Variants in FREM3 observed in about 807,000 individuals in gnomAD.
FREM3 encodes FRAS1 related extracellular matrix 3.
In FREM3, 105 loss-of-function variants were observed where a neutral mutation model predicts 129.1. The observed-to-expected ratio is 0.81, with a 90% confidence interval of 0.69 to 0.96. The LOEUF is 0.96. Ranked by LOEUF, FREM3 falls within the 40% of genes least tolerant of loss-of-function variation. FREM3 has a pLI of 0.00. For missense variants in FREM3, 2,593 were observed against 2,666.3 expected (o/e 0.97, Z 0.61); for synonymous variants, 1,014 against 1,044.9 (o/e 0.97, Z 0.57).
At chr4:143,590,925 T>A (rs1437751766) in intron 6 of FREM3, among the ~76,000 whole-genome samples, 3 of 152,226 alleles carry the variant, frequency 2.0e-5, no homozygotes, top group African/African-American at 7.2e-5. Flanking sequence ...ATTCTGTTAT[T>A]GGTCTATTCA....
intron 2 of FREM3, among the ~76,000 whole-genome samples, chr4:143,664,509 C>T (rs1181482150): frequency 6.6e-6 from 1 of 152,122 alleles, no homozygotes; most frequent in African/African-American, 2.4e-5. Context: ...GGGGATGCCT[C>T]CCAGTTAGGC....
Position 143,678,228 on chromosome 4 carries a change from G to T in FREM3, c.5275+14885C>A, listed in dbSNP as rs375248961. On this transcript the variant is annotated intron_variant, in intron 2 of 7. Coordinates refer to ENST00000329798, the MANE Select transcript of FREM3 (RefSeq NM_001168235.2). ...TGCAGCCATAAAAACTGATGAGTTC[G>T]TGTCCTTTGTAGAGACATGGATAAA... Among the ~76,000 whole-genome samples the T allele has an allele frequency of 6.6e-5, 10 of 151,678 alleles. No individual in the cohort carries two copies. The East Asian group carries it at 1.6e-3, about 24-fold the overall frequency.
At chr4:143,607,960 C>T (rs748838136) in intron 6 of FREM3, among the ~76,000 whole-genome samples, 3 of 152,164 alleles carry the variant, frequency 2.0e-5, no homozygotes, top group Admixed American at 6.5e-5. Flanking sequence ...CTGCATTCCT[C>T]GGCTTGTGGC....
intron 2 of FREM3, among the ~76,000 whole-genome samples, chr4:143,629,868 G>A (rs1462855705): frequency 2.0e-5 from 3 of 152,110 alleles, no homozygotes; most frequent in Admixed American, 6.6e-5. Flanking sequence ...CTTTCACTCT[G>A]AGCTGCCATT....
chr4:143,657,771 T>C (rs1739627905), intron 2 of FREM3, among the ~76,000 whole-genome samples: 1 of 152,100 alleles, frequency 6.6e-6, no homozygotes, highest in South Asian at 2.1e-4. Context: ...AAAAAGGTTA[T>C]AGGATTTTCC....
chr4:143,682,882 G>A (rs1345400516), intron 2 of FREM3, among the ~76,000 whole-genome samples: 5 of 152,250 alleles, frequency 3.3e-5, no homozygotes, highest in Admixed American at 2.6e-4. Flanking sequence ...ATGGCCAAAG[G>A]GTCTTTTCAG....
chr4:143,614,681 C>A (rs12502068), intron 5 of FREM3, among the ~76,000 whole-genome samples: 52,239 of 152,094 alleles, frequency 0.34, 10,363 homozygotes, highest in Middle Eastern at 0.47. Flanking sequence ...AGGGTTAGAA[C>A]CAAAGATTCA....
chr4:143,691,161 A>G (rs1468892867), intron 2 of FREM3, among the ~76,000 whole-genome samples: 1 of 152,210 alleles, frequency 6.6e-6, no homozygotes, highest in Non-Finnish European at 1.5e-5. Context: ...ACAGCTATGA[A>G]TGAATGTATC....
intron 2 of FREM3, among the ~76,000 whole-genome samples, chr4:143,673,070 C>T (rs1740030590): frequency 6.6e-6 from 1 of 152,224 alleles, no homozygotes; most frequent in South Asian, 2.1e-4. Context: ...GTTTGATCGT[C>T]TGAAGCCTTC....
intron 6 of FREM3, among the ~76,000 whole-genome samples, chr4:143,610,145 G>A (rs1156546619): frequency 2.0e-5 from 3 of 152,112 alleles, no homozygotes; most frequent in African/African-American, 7.2e-5. Context: ...GTAAAGATGT[G>A]TTTTGGAATT....
At chr4:143,606,430 G>A (rs749895741) in intron 6 of FREM3, among the ~76,000 whole-genome samples, 2 of 151,842 alleles carry the variant, frequency 1.3e-5, no homozygotes, top group Non-Finnish European at 2.9e-5. Context: ...TAACAATGGG[G>A]TTAAACTTTG....
At position 143,590,664 on chromosome 4, in the gene FREM3, A is replaced by T. The variant is rs187502682; in HGVS notation, c.6029-4671T>A. ...CCAGTATTTTATTGAGGATTTTTGC[A>T]TCAATGTTCATCAAGGATATTGGTC... On this transcript the variant is annotated intron_variant, in intron 6 of 7. Coordinates refer to ENST00000329798, the MANE Select transcript of FREM3 (RefSeq NM_001168235.2). Among the ~76,000 whole-genome samples, 787 of 152,290 alleles carry T rather than the reference A, an allele frequency of 5.2e-3. 10 individuals are homozygous for T. The highest frequency in any genetic ancestry group is 0.018 in the African/African-American group (759 of 41,550).
Position 143,695,594 on chromosome 4 carries a change from G to A in FREM3, c.5082C>T (p.Asp1694=). The part of the protein sequence containing the change: ...TSKSLKAEDQ[D]SPHRLLKYKV... ...TATACTTCAGAAGCCTGTGGGGACT[G>A]TCCTGATCTTCTGCCTTCAGAGACT... The change falls in exon 1 of 8, where the codon GAC becomes GAT. Residue 1694 remains aspartate, a synonymous_variant. Transcript: ENST00000329798. 6.5e-7 allele frequency: 1 copy of A among 1,537,352 alleles called. No homozygotes were observed. Among genetic ancestry groups the A allele is most frequent in the Non-Finnish European group, 8.7e-7 (1 of 1,146,940 alleles).
At chr4:143,685,833 G>A (rs569663467) in intron 2 of FREM3, among the ~76,000 whole-genome samples, 1 of 151,970 alleles carries the variant, frequency 6.6e-6, no homozygotes, top group Admixed American at 6.6e-5. Context: ...ACACAGCTGT[G>A]GGGGGCACAT....
At chr4:143,683,127 G>A (rs1383273133) in intron 2 of FREM3, among the ~76,000 whole-genome samples, 1 of 152,218 alleles carries the variant, frequency 6.6e-6, no homozygotes, top group Non-Finnish European at 1.5e-5. Flanking sequence ...AGAACATGCG[G>A]TCTTGAGGTT....
At chr4:143,615,632 C>A (rs1357358071) in intron 5 of FREM3, among the ~76,000 whole-genome samples, 2 of 151,352 alleles carry the variant, frequency 1.3e-5, no homozygotes, top group Non-Finnish European at 2.9e-5. Flanking sequence ...TAAAAAACAA[C>A]TAGAAAAAAT....
Position 143,627,768 on chromosome 4 carries a change from T to G in FREM3, c.5276-8A>C. On this transcript the variant is annotated splice_polypyrimidine_tract_variant and splice_region_variant and intron_variant, in intron 2 of 7. Transcript: ENST00000329798. ...TTGTTAGTTTATTTCCTCCTGCAAT[T>G]GATAGGGGCAAAGGAAAAGTCAGCT... 2 of 1,532,074 alleles carry G rather than the reference T, an allele frequency of 1.3e-6. No individual in the cohort carries two copies. The highest frequency in any genetic ancestry group is 8.8e-7 in the Non-Finnish European group (1 of 1,142,644). The allele number at this position is 1,532,074 out of a possible 1,614,324, so 94.9% of individuals were successfully genotyped here.
intron 2 of FREM3, among the ~76,000 whole-genome samples, chr4:143,683,691 G>A (rs529439201): frequency 1.3e-5 from 2 of 152,328 alleles, no homozygotes; most frequent in South Asian, 4.1e-4. Context: ...AGCAAATCCA[G>A]TGAGCAGAAC....
rs537753639 is a variant in FREM3 at position 143,688,862 on chromosome 4, T to C, written c.5275+4251A>G. Among the ~76,000 whole-genome samples, 10 of 152,308 alleles carry C rather than the reference T, an allele frequency of 6.6e-5. No homozygotes were observed. The South Asian group carries it at 1.9e-3, about 28-fold the overall frequency. ...AACTGGATCCTCATCTCTCACCTTATACAAAAACCAACTCAAGATGGATTA... is the reference window on the plus strand; with the variant it reads ...AACTGGATCCTCATCTCTCACCTTACACAAAAACCAACTCAAGATGGATTA... On this transcript the variant is annotated intron_variant, in intron 2 of 7. Coordinates refer to ENST00000329798, the MANE Select transcript of FREM3 (RefSeq NM_001168235.2).
Sources: allele counts gnomAD v4.1 joint callset (sites outside exome capture counted in the v4.1 genomes callset), GRCh38; gene constraint gnomAD v4.1.1; transcripts MANE v1.5; gene names NCBI Gene and HGNC (gene_info 2026-07-23, HGNC 2026-07-21).